RAP1A: variants seen among roughly 807,000 people sequenced by gnomAD.
The protein encoded by RAP1A is RAP1A, member of RAS oncogene family, also known as ras-related protein Rap-1A.
Under a neutral mutation model 26.4 loss-of-function variants are expected in RAP1A, and 6 were observed. That is an observed-to-expected ratio of 0.23 (90% CI 0.12 to 0.45). The LOEUF (loss-of-function observed/expected upper bound fraction) is 0.45, where lower values mean the gene tolerates loss of function less well. RAP1A is among the 20% of genes least tolerant of loss of function. The pLI, the probability that RAP1A is intolerant of heterozygous loss-of-function variation, is 0.99. For missense variants in RAP1A, 121 were observed against 217.2 expected, an observed-to-expected ratio of 0.56 and a Z score of 2.78; for synonymous variants, 73 against 79.4, an observed-to-expected ratio of 0.92 and a Z score of 0.43.
At chr1:111,571,337 C>A (rs4838917) in intron 1 of RAP1A, among the ~76,000 whole-genome samples, 43,556 of 152,022 alleles carry the variant, frequency 0.29, 6,426 homozygotes, top group Middle Eastern at 0.35. Flanking sequence ...TCCCATTGTT[C>A]AAGACTTTTT....
At chr1:111,565,200 A>G (rs1657890840) in intron 1 of RAP1A, among the ~76,000 whole-genome samples, 1 of 152,208 alleles carries the variant, frequency 6.6e-6, no homozygotes, top group Non-Finnish European at 1.5e-5. Flanking sequence ...TGGCTGGAGC[A>G]GAATGAACAA....
chr1:111,616,818 G>T (rs1659022693), upstream of RAP1A, among the ~76,000 whole-genome samples: 1 of 152,244 alleles, frequency 6.6e-6, no homozygotes, highest in South Asian at 2.1e-4. Context: ...CAACTCAAGA[G>T]GGCCCTCAGC....
rs544185950 is a variant in RAP1A, at chr1:111,688,669, C to A, written c.-27-2665C>A. On this transcript the variant is annotated intron_variant, in intron 1 of 7. Coordinates refer to ENST00000369709, the MANE Select transcript of RAP1A (RefSeq NM_002884.4). ...TTCTATCTAAATTTTTTCCCTCTGG[C>A]TTCTTGTAAGATTTTCTGGTTTTGA... Among the ~76,000 whole-genome samples, 4 of 152,080 alleles carry A rather than the reference C, an allele frequency of 2.6e-5. No homozygotes were observed. In the South Asian group the frequency reaches 8.3e-4, roughly 31 times the overall value.
chr1:111,649,281 C>T, intron 1 of RAP1A: 1 of 468,672 alleles, frequency 2.1e-6, no homozygotes, highest in South Asian at 1.7e-5. Context: ...GGTTTCCAGG[C>T]TCTCACTCTG....
intron 1 of RAP1A, among the ~76,000 whole-genome samples, chr1:111,559,782 A>T (rs906288231): frequency 7.9e-5 from 12 of 152,252 alleles, no homozygotes; most frequent in Non-Finnish European, 1.3e-4. Flanking sequence ...TAAAAGCCAT[A>T]ACATGAGTCT....
chr1:111,570,040 G>T (rs1442791812), intron 1 of RAP1A, among the ~76,000 whole-genome samples: 1 of 152,160 alleles, frequency 6.6e-6, no homozygotes, highest in African/African-American at 2.4e-5. Context: ...GTAGAGAGGG[G>T]AACCTTCTTA....
rs188533211 is a variant in RAP1A at position 111,664,142 on chromosome 1, G to A, written c.-27-27192G>A. Among the ~76,000 whole-genome samples, 677 of 152,220 alleles carry A rather than the reference G, an allele frequency of 4.4e-3. 4 individuals are homozygous for A. The highest frequency in any genetic ancestry group is 0.014 in the African/African-American group (577 of 41,548). On this transcript the variant is annotated intron_variant, in intron 1 of 7. Transcript: ENST00000369709. ...TAATCCCAGCACTTTGGGAGGCCAC[G>A]GAGGGTGGATCACCTGAGGTCAGGA...
At position 111,580,365 on chromosome 1, in the gene RAP1A, G is replaced by A. The variant is rs191596925; in HGVS notation, c.-28+37856G>A. ...AAGGTGGGAGGAGAAGCAACTTTGG[G>A]AAGAGGAGATGAGGATAATAAGTTC... On this transcript the variant is annotated intron_variant, in intron 1 of 7. Transcript: ENST00000356415. 1.6e-3 allele frequency among the ~76,000 whole-genome samples: 250 copies of A among 152,316 alleles called. 1 individual carries two copies. Among genetic ancestry groups the A allele is most frequent in the Middle Eastern group, 0.01 (3 of 294 alleles).
chr1:111,609,101 A>C (rs1658873192), intron 1 of RAP1A, among the ~76,000 whole-genome samples: 2 of 152,224 alleles, frequency 1.3e-5, no homozygotes, highest in Non-Finnish European at 2.9e-5. Flanking sequence ...TATTTAGGCA[A>C]TTACAGCTCA....
Position 111,563,479 on chromosome 1 carries a change from C to G in RAP1A, c.-28+20970C>G, listed in dbSNP as rs114329977. On this transcript the variant is annotated intron_variant, in intron 1 of 7. Coordinates refer to the RAP1A transcript ENST00000356415. ...GTTTTTCTGAACCTTGAGGGACATTCGGGAGAAACGAGCCTGAGTTTTATA... is the reference window on the plus strand; with the variant it reads ...GTTTTTCTGAACCTTGAGGGACATTGGGGAGAAACGAGCCTGAGTTTTATA... Among the ~76,000 whole-genome samples, 718 of 152,086 alleles carry G rather than the reference C, an allele frequency of 4.7e-3. 5 individuals are homozygous for G. The highest frequency in any genetic ancestry group is 0.016 in the African/African-American group (672 of 41,486).
intron 1 of RAP1A, among the ~76,000 whole-genome samples, chr1:111,547,105 GTA>G (rs1294207161): frequency 6.6e-6 from 1 of 152,040 alleles, no homozygotes; most frequent in African/African-American, 2.4e-5. Context: ...ACTAATTTTT[GTA>G]TATTGGTCTT....
chr1:111,696,051 C>T (rs968915019), intron 3 of RAP1A, among the ~76,000 whole-genome samples: 14 of 152,022 alleles, frequency 9.2e-5, no homozygotes, highest in Non-Finnish European at 1.6e-4. Flanking sequence ...ATCTCTGCAC[C>T]TTCCCCTCAG....
intron 1 of RAP1A, among the ~76,000 whole-genome samples, chr1:111,639,667 A>G (rs915200325): frequency 1.3e-5 from 2 of 152,062 alleles, no homozygotes; most frequent in Admixed American, 1.3e-4. Context: ...ATCTCTCATG[A>G]GAGTACTGCA....
chr1:111,700,765 AT>A (rs1183082101), intron 4 of RAP1A, among the ~76,000 whole-genome samples: 1 of 152,192 alleles, frequency 6.6e-6, no homozygotes. Flanking sequence ...ATCTCAGTAA[AT>A]AGTACCTTTT....
intron 1 of RAP1A, among the ~76,000 whole-genome samples, chr1:111,643,730 A>G (rs1159062191): frequency 2.0e-5 from 3 of 152,240 alleles, no homozygotes; most frequent in Non-Finnish European, 4.4e-5. Context: ...GCTTATCATC[A>G]GCACTGGTGT....
intron 1 of RAP1A, among the ~76,000 whole-genome samples, chr1:111,613,028 T>A (rs1482734731): frequency 6.6e-6 from 1 of 152,126 alleles, no homozygotes; most frequent in Non-Finnish European, 1.5e-5. Context: ...GAACAGCTAG[T>A]GGCAAAAGCT....
At chr1:111,704,233 G>C in intron 5 of RAP1A, 110 bp from the exon 6 acceptor site, 1 of 1,104,944 alleles carries the variant, frequency 9.1e-7, no homozygotes, top group South Asian at 1.9e-5. Context: ...TGAAGCTTGC[G>C]GTCCCAACTA....
intron 1 of RAP1A, among the ~76,000 whole-genome samples, chr1:111,596,972 A>G (rs545599941): frequency 2.9e-4 from 44 of 152,368 alleles, no homozygotes; most frequent in African/African-American, 9.9e-4. Context: ...GAATGAATAA[A>G]TAAATGAAAA....
chr1:111,611,674 G>A (rs528091786), intron 1 of RAP1A, among the ~76,000 whole-genome samples: 7 of 138,238 alleles, frequency 5.1e-5, no homozygotes, highest in South Asian at 4.9e-4. Context: ...AGCTCAGAAC[G>A]GTTAAATAAT....
Sources: allele counts gnomAD v4.1 joint callset (sites outside exome capture counted in the v4.1 genomes callset), GRCh38; gene constraint gnomAD v4.1.1; transcripts MANE v1.5; gene names NCBI Gene and HGNC (gene_info 2026-07-23, HGNC 2026-07-21).